TMOD3: variants seen among roughly 807,000 people sequenced by gnomAD.
TMOD3 encodes tropomodulin-3.
Under a neutral mutation model 39.2 loss-of-function variants are expected in TMOD3, and 20 were observed. The observed-to-expected ratio is 0.51, with a 90% confidence interval of 0.36 to 0.74. The LOEUF (loss-of-function observed/expected upper bound fraction) is 0.74, where lower values mean the gene tolerates loss of function less well. Among genes scored for constraint, TMOD3 ranks in the 30% least tolerant of loss-of-function variants. TMOD3 has a pLI of 0.00. For missense variants in TMOD3, 381 were observed against 412.8 expected (o/e 0.92, Z 0.67); for synonymous variants, 143 against 145.8 (o/e 0.98, Z 0.14).
chr15:51,903,393 C>T (rs1182285654), intron 9 of TMOD3, among the ~76,000 whole-genome samples: 1 of 152,226 alleles, frequency 6.6e-6, no homozygotes, highest in Non-Finnish European at 1.5e-5. Flanking sequence ...CAAGACTTCT[C>T]AAAAGGAGTG....
intron 1 of TMOD3, among the ~76,000 whole-genome samples, chr15:51,852,500 G>C (rs189407318): frequency 1.5e-3 from 234 of 152,100 alleles, no homozygotes; most frequent in Middle Eastern, 3.4e-3. Flanking sequence ...TTTGTTTTTA[G>C]CTGGGGGAGA....
intron 1 of TMOD3, among the ~76,000 whole-genome samples, chr15:51,846,152 CCA>C (rs1567261923): frequency 2.8e-5 from 4 of 140,672 alleles, no homozygotes; most frequent in African/African-American, 1.1e-4. Flanking sequence ...CCCATTTCTA[CCA>C]AAAAAAAAAA....
Position 51,877,903 on chromosome 15 carries a change from T to C in TMOD3, c.283+8530T>C, listed in dbSNP as rs181765861. Among the ~76,000 whole-genome samples the C allele has an allele frequency of 3.0e-3, 457 of 152,184 alleles. 6 individuals carry two copies. Among genetic ancestry groups the C allele is most frequent in the African/African-American group, 0.01 (436 of 41,526 alleles). On this transcript the variant is annotated intron_variant, in intron 3 of 9. Transcript: ENST00000308580. ...CTAAGCTTTCAGAAGTTTTTTTTTTTCCCTTGGCTCAAGGTAGTTCCTCAC... is the reference window on the plus strand; with the variant it reads ...CTAAGCTTTCAGAAGTTTTTTTTTTCCCCTTGGCTCAAGGTAGTTCCTCAC...
intron 2 of TMOD3, among the ~76,000 whole-genome samples, chr15:51,866,043 T>G (rs1394614014): frequency 6.6e-6 from 1 of 152,044 alleles, no homozygotes; most frequent in Non-Finnish European, 1.5e-5. Flanking sequence ...TTAAAGAAAA[T>G]TTTTATATGA....
chr15:51,864,554 A>G (rs977103755), intron 2 of TMOD3, among the ~76,000 whole-genome samples: 1 of 152,202 alleles, frequency 6.6e-6, no homozygotes, highest in African/African-American at 2.4e-5. Flanking sequence ...TAGGAGGCAC[A>G]GCATGCCACA....
At chr15:51,898,090 T>C (rs186495365) in intron 7 of TMOD3, among the ~76,000 whole-genome samples, 1 of 152,360 alleles carries the variant, frequency 6.6e-6, no homozygotes, top group Admixed American at 6.5e-5. Flanking sequence ...TCTAGCAGCT[T>C]CCCATCTCAT....
chr15:51,911,719 T>C lies in TMOD3; in HGVS notation c.*2909T>C, dbSNP rs1431931295. On this transcript the variant is annotated 3_prime_UTR_variant, in exon 10 of 10. Coordinates refer to ENST00000308580, the MANE Select transcript of TMOD3 (RefSeq NM_014547.5). The stretch of plus-strand genomic sequence containing the variant: ...AATGTTATACTCATATTTGTCTGAA[T>C]TTTTCCAGTATTCCTACATGAAATT... The C allele has an allele frequency of 6.6e-6, 1 of 152,208 alleles. No individual in the cohort carries two copies. The highest frequency in any genetic ancestry group is 1.5e-5 in the Non-Finnish European group (1 of 68,030). The allele number at this position is 152,208 out of a possible 1,614,324, so 9.4% of individuals were successfully genotyped here.
At chr15:51,832,203 T>TATATATATATATATATATATATATA (rs1555464768) in intron 1 of TMOD3, among the ~76,000 whole-genome samples, 1 of 79,334 alleles carries the variant, frequency 1.3e-5, no homozygotes, top group African/African-American at 4.1e-5. Flanking sequence ...AGAAAAAAAA[T>TATATATATATATATATATATATATA]TATATATATA....
intron 8 of TMOD3, chr15:51,901,611 G>GTGTGTGTA: frequency 2.8e-6 from 1 of 358,752 alleles, no homozygotes; most frequent in South Asian, 3.0e-5. Flanking sequence ...GTGTGTGTGT[G>GTGTGTGTA]TATAAAGTTC....
intron 1 of TMOD3, among the ~76,000 whole-genome samples, chr15:51,850,137 T>C (rs1000374896): frequency 1.3e-4 from 20 of 151,940 alleles, no homozygotes; most frequent in African/African-American, 4.6e-4. Flanking sequence ...AGAAGTAGGG[T>C]AGTGTCTGGA....
chr15:51,881,250 A>G (rs117378294), intron 3 of TMOD3, among the ~76,000 whole-genome samples: 1,780 of 151,796 alleles, frequency 0.012, 14 homozygotes, highest in Middle Eastern at 0.024. Flanking sequence ...TATTCTTTGT[A>G]GAAATGTCTC....
Position 51,911,245 on chromosome 15 carries a change from A to T in TMOD3, c.*2435A>T, listed in dbSNP as rs2056710149. The T allele has an allele frequency of 6.6e-6, 1 of 152,146 alleles. No individual in the cohort carries two copies. The highest frequency in any genetic ancestry group is 2.4e-5 in the African/African-American group (1 of 41,428). The allele number at this position is 152,146 out of a possible 1,614,324, so 9.4% of individuals were successfully genotyped here. A position where few individuals can be genotyped will look rare whatever the true frequency, so the allele number is the denominator to read the frequency against. ...ATATAGGTAAGTGGGACTCTACCTA[A>T]AATTTTGCATCATACTTATGGGTAA... On this transcript the variant is annotated 3_prime_UTR_variant, in exon 10 of 10. Transcript: ENST00000308580.
At chr15:51,873,886 T>C (rs1268461954) in intron 3 of TMOD3, among the ~76,000 whole-genome samples, 1 of 152,188 alleles carries the variant, frequency 6.6e-6, no homozygotes, top group East Asian at 1.9e-4. Flanking sequence ...CCTCCCAAAG[T>C]GCTGGGATTA....
At chr15:51,837,421 ATTC>A (rs980818874) in intron 1 of TMOD3, among the ~76,000 whole-genome samples, 2 of 149,350 alleles carry the variant, frequency 1.3e-5, no homozygotes, top group Non-Finnish European at 3.0e-5. Flanking sequence ...TTAGGGAACT[ATTC>A]TTTTTTTTTT....
At chr15:51,883,761 A>G (rs1057265472) in intron 3 of TMOD3, among the ~76,000 whole-genome samples, 5 of 152,216 alleles carry the variant, frequency 3.3e-5, no homozygotes, top group African/African-American at 7.2e-5. Context: ...AGAATTTTCT[A>G]AAGCTCTCAC....
chr15:51,902,868 G>T (rs2056659637), intron 9 of TMOD3, among the ~76,000 whole-genome samples: 1 of 151,918 alleles, frequency 6.6e-6, no homozygotes, highest in Admixed American at 6.6e-5. Flanking sequence ...AGCCAGGATG[G>T]TCTCGATCTC....
chr15:51,888,021 C>G (rs959663069), intron 4 of TMOD3, among the ~76,000 whole-genome samples: 1 of 152,142 alleles, frequency 6.6e-6, no homozygotes. Flanking sequence ...AGAAGCTGTC[C>G]TATCTGAACA....
At chr15:51,884,301 A>T (rs1368376735) in intron 3 of TMOD3, among the ~76,000 whole-genome samples, 5 of 152,238 alleles carry the variant, frequency 3.3e-5, no homozygotes, top group African/African-American at 4.8e-5. Context: ...GATGAACAGA[A>T]CATAGAGCAT....
chr15:51,874,596 C>G (rs1307272323), intron 3 of TMOD3, among the ~76,000 whole-genome samples: 2 of 152,178 alleles, frequency 1.3e-5, no homozygotes, highest in East Asian at 3.9e-4. Context: ...TATTCTGTCT[C>G]AAAGATAGAT....
Sources: gnomAD v4.1 joint callset for allele counts (sites outside exome capture counted in the v4.1 genomes callset) on GRCh38, gnomAD v4.1.1 for gene constraint, MANE v1.5 for transcripts, NCBI Gene and HGNC (gene_info 2026-07-23, HGNC 2026-07-21) for gene names.